The following TSPAN31 variants were observed in gnomAD, a reference collection of about 807,000 sequenced individuals.
TSPAN31 encodes the protein tetraspanin 31, also known as tetraspanin-31.
A neutral mutation model predicts 24.8 loss-of-function variants in TSPAN31; 16 were observed. That is an observed-to-expected ratio of 0.64 (90% confidence interval 0.44 to 0.98). TSPAN31 has a LOEUF of 0.98. Ranked by LOEUF, TSPAN31 falls within the 50% of genes least tolerant of loss-of-function variation. The probability of loss-of-function intolerance (pLI) is 0.00; values close to 1 mark genes in which losing one functional copy is unlikely to be tolerated. For synonymous variants in TSPAN31, 87 were observed against 91.4 expected, an observed-to-expected ratio of 0.95 and a Z score of 0.27; for missense variants, 209 against 251.6, an observed-to-expected ratio of 0.83 and a Z score of 1.15.
intron 3 of TSPAN31, 96 bp downstream of exon 3, chr12:57,746,352 C>G: frequency 7.9e-7 from 1 of 1,267,926 alleles, no homozygotes; most frequent in Non-Finnish European, 1.2e-6. Flanking sequence ...ACCCAAAGAT[C>G]ATCCTTAGGT....
rs1955204432 is a variant in TSPAN31 at position 57,749,379 on chromosome 12, G to A, written c.*2089G>A. 1.2e-6 allele frequency: 2 copies of A among 1,613,082 alleles called. No homozygotes were observed. Among genetic ancestry groups the A allele is most frequent in the Non-Finnish European group, 8.5e-7 (1 of 1,179,036 alleles). ...TCCAGTTCCCATCCCCATGGGCAGAGCCAGTTGCCATCCTGGGTTCAGCAG... is the reference window on the plus strand; with the variant it reads ...TCCAGTTCCCATCCCCATGGGCAGAACCAGTTGCCATCCTGGGTTCAGCAG... On this transcript the variant is annotated 3_prime_UTR_variant, in exon 6 of 6. Transcript: ENST00000257910.
rs545773931 is a variant in TSPAN31 at position 57,748,708 on chromosome 12, C to CTTT, written c.*1431_*1433dup. ...CCTGGGATGAGCTTTCTTCTTTTTT[C>CTTT]TTTTTTTTTTTTTTTGAGACGGAGT... On this transcript the variant is annotated 3_prime_UTR_variant, in exon 6 of 6. Transcript: ENST00000257910. 5.5e-5 allele frequency: 38 copies of CTTT among 693,840 alleles called. No homozygotes were observed. Among genetic ancestry groups the CTTT allele is most frequent in the East Asian group, 1.1e-4 (4 of 35,254 alleles). The allele number at this position is 693,840 out of a possible 1,614,324, so 43.0% of individuals were successfully genotyped here.
chr12:57,748,682 A>T lies in TSPAN31; in HGVS notation c.*1392A>T, dbSNP rs1378736271. On this transcript the variant is annotated 3_prime_UTR_variant, in exon 6 of 6. Transcript: ENST00000257910. ...CAGACTTCTGCCCACCCACAACAAT[A>T]CCTGGGATGAGCTTTCTTCTTTTTT... 4 of 1,036,674 alleles carry T rather than the reference A, an allele frequency of 3.9e-6. No homozygotes were observed. In the African/African-American group the frequency reaches 6.3e-5, roughly 16 times the overall value. The allele number at this position is 1,036,674 out of a possible 1,614,324, so 64.2% of individuals were successfully genotyped here. A position where few individuals can be genotyped will look rare whatever the true frequency, so the allele number is the denominator to read the frequency against.
In TSPAN31 at chr12:57,747,735, A is replaced by G. The variant is rs1240017737; in HGVS notation, c.*445A>G. ...CGAATATAAAAGTAAAAGCCATTTA[A>G]AAATCTATATTCTTTTTTTTTTTTT... On this transcript the variant is annotated 3_prime_UTR_variant, in exon 6 of 6. Coordinates refer to ENST00000257910, the MANE Select transcript of TSPAN31 (RefSeq NM_005981.5). 1 of 161,426 alleles carries G rather than the reference A, an allele frequency of 6.2e-6. No individual in the cohort carries two copies. The allele number at this position is 161,426 out of a possible 1,614,324, so 10.0% of individuals were successfully genotyped here.
In TSPAN31 at chr12:57,749,775, G is replaced by C; in HGVS notation, c.*2485G>C. ...GCACTTTGGGAGTCTGATGTGGGTG[G>C]ATCATGAGGTCAAGAGATCGAGACC... On this transcript the variant is annotated 3_prime_UTR_variant, in exon 6 of 6. Coordinates refer to ENST00000257910, the MANE Select transcript of TSPAN31 (RefSeq NM_005981.5). 1 of 512,034 alleles carries C rather than the reference G, an allele frequency of 2.0e-6. No homozygotes were observed. Among genetic ancestry groups the C allele is most frequent in the South Asian group, 2.1e-5 (1 of 47,502 alleles). The allele number at this position is 512,034 out of a possible 1,614,324, so 31.7% of individuals were successfully genotyped here.
intron 1 of TSPAN31, 167 bp downstream of exon 1, chr12:57,745,384 C>T (rs1339340175): frequency 1.5e-5 from 11 of 726,272 alleles, no homozygotes; most frequent in Non-Finnish European, 2.2e-5. Context: ...GAGGAGACTT[C>T]CGGTTGATTA....
intron 4 of TSPAN31, 106 bp downstream of exon 4, chr12:57,746,826 C>A: frequency 6.5e-7 from 1 of 1,530,344 alleles, no homozygotes; most frequent in Non-Finnish European, 9.0e-7. Flanking sequence ...TCTCTCTCTA[C>A]AAGCCCTCTT....
In TSPAN31 at chr12:57,748,603, A is replaced by G. The variant is rs115576923; in HGVS notation, c.*1313A>G. On this transcript the variant is annotated 3_prime_UTR_variant, in exon 6 of 6. Coordinates refer to ENST00000257910, the MANE Select transcript of TSPAN31 (RefSeq NM_005981.5). ...AGGCAGAGATTCGCTTGTGTGGGTT[A>G]AAAGTCAGCATTTCCTGAGGGGAGA... is the stretch of plus-strand genomic sequence containing the variant. The G allele has an allele frequency of 3.0e-5, 49 of 1,613,588 alleles. No homozygotes were observed. In the African/African-American group the frequency reaches 5.3e-4, roughly 18 times the overall value.
At chr12:57,746,985 CACA>C (rs774949792) in intron 4 of TSPAN31, 30 bp from the exon 5 acceptor site, 1 of 1,587,204 alleles carries the variant, frequency 6.3e-7, no homozygotes, top group Non-Finnish European at 8.6e-7. Flanking sequence ...ACTTTACATT[CACA>C]ACTTTGCATT....
rs544678470 is a variant in TSPAN31 at position 57,748,712 on chromosome 12, T to C, written c.*1422T>C. On this transcript the variant is annotated 3_prime_UTR_variant, in exon 6 of 6. Transcript: ENST00000257910. ...GGATGAGCTTTCTTCTTTTTTCTTTTTTTTTTTTTTTGAGACGGAGTCTCG... is the reference window on the plus strand; with the variant it reads ...GGATGAGCTTTCTTCTTTTTTCTTTCTTTTTTTTTTTGAGACGGAGTCTCG... 9.0e-5 allele frequency: 77 copies of C among 851,532 alleles called. No individual in the cohort carries two copies. In the East Asian group the frequency reaches 1.9e-3, roughly 20 times the overall value. 52.7% of individuals were successfully genotyped at this position (851,532 alleles called of 1,614,324 possible).
chr12:57,747,421 G>T lies in TSPAN31; in HGVS notation c.*131G>T. 1 of 736,054 alleles carries T rather than the reference G, an allele frequency of 1.4e-6. No individual in the cohort carries two copies. 45.6% of individuals were successfully genotyped at this position (736,054 alleles called of 1,614,324 possible). A position where few individuals can be genotyped will look rare whatever the true frequency, so the allele number is the denominator to read the frequency against. On this transcript the variant is annotated 3_prime_UTR_variant, in exon 6 of 6. Transcript: ENST00000257910. Reference sequence around the variant, plus strand: ...GCCCCTTGTCACATCCTCTAAAATTGATGGAATAGCAAGACTTTATGCCTT... The same window carrying T: ...GCCCCTTGTCACATCCTCTAAAATTTATGGAATAGCAAGACTTTATGCCTT...
At position 57,749,023 on chromosome 12, in the gene TSPAN31, A is replaced by G. The variant is rs1195059076; in HGVS notation, c.*1733A>G. On this transcript the variant is annotated 3_prime_UTR_variant, in exon 6 of 6. Transcript: ENST00000257910. The stretch of plus-strand genomic sequence containing the variant: ...GCCCAGCCAGGATGGGTTCTCTTCT[A>G]TATCCTTCTCTGTGGGTGGCTATTT... The G allele has an allele frequency of 3.1e-6, 3 of 962,374 alleles. No homozygotes were observed. The highest frequency in any genetic ancestry group is 1.6e-5 in the African/African-American group (1 of 61,726). The allele number at this position is 962,374 out of a possible 1,614,324, so 59.6% of individuals were successfully genotyped here. A position where few individuals can be genotyped will look rare whatever the true frequency, so the allele number is the denominator to read the frequency against.
Position 57,747,321 on chromosome 12 carries a change from T to G in TSPAN31, c.*31T>G, listed in dbSNP as rs750269350. On this transcript the variant is annotated 3_prime_UTR_variant, in exon 6 of 6. Coordinates refer to ENST00000257910, the MANE Select transcript of TSPAN31 (RefSeq NM_005981.5). ...TGGATCCTTCTGACTTTTCTTCTGC[T>G]CTCTCTAAGCTTTCTCTTCCTCCCT... 1.9e-6 allele frequency: 3 copies of G among 1,600,542 alleles called. No homozygotes were observed. The Admixed American group carries it at 5.0e-5, about 27-fold the overall frequency.
At position 57,745,116 on chromosome 12, in the gene TSPAN31, C is replaced by T. The variant is rs779945348; in HGVS notation, c.-39C>T. On this transcript the variant is annotated 5_prime_UTR_variant, in exon 1 of 6. Coordinates refer to ENST00000257910, the MANE Select transcript of TSPAN31 (RefSeq NM_005981.5). The stretch of plus-strand genomic sequence containing the variant: ...AAGACGGTCCCCAATACCCTCCCCC[C>T]AAGTCCTTGGGACCACTTGGGTCCC... 6.4e-7 allele frequency: 1 copy of T among 1,567,648 alleles called. No individual in the cohort carries two copies. The highest frequency in any genetic ancestry group is 1.4e-5 in the African/African-American group (1 of 73,998).
chr12:57,747,215 G>T lies in TSPAN31; in HGVS notation c.559-1G>T. ...TTATCTCTCTCCCTTTGTTCCTACA[G>T]ATCCTTGGTGTTTGGCTAGCAATGA... On this transcript the variant is annotated splice_acceptor_variant, in intron 5 of 5. Coordinates refer to ENST00000257910, the MANE Select transcript of TSPAN31 (RefSeq NM_005981.5). LOFTEE classifies it high-confidence loss of function. 1 of 1,614,170 alleles carries T rather than the reference G, an allele frequency of 6.2e-7. No homozygotes were observed. The highest frequency in any genetic ancestry group is 8.5e-7 in the Non-Finnish European group (1 of 1,180,012).
chr12:57,746,432 C>G, intron 3 of TSPAN31, 157 bp from the exon 4 acceptor site: 1 of 1,167,240 alleles, frequency 8.6e-7, no homozygotes, highest in Non-Finnish European at 1.3e-6. Context: ...TGAGGATGAT[C>G]TAGAGAACCT....
Position 57,746,633 on chromosome 12 carries a change from T to A in TSPAN31, c.357T>A (p.Thr119=). Reference sequence around the variant, plus strand: ...CTTGGTGGGTCATGAGCAACAAGACTCGGGATGAACTGGAAAGAAGTTTTG... The same window carrying A: ...CTTGGTGGGTCATGAGCAACAAGACACGGGATGAACTGGAAAGAAGTTTTG... ...NASWWVMSNK[T]RDELERSFDC... Residue 119 remains threonine, a synonymous_variant, in exon 4 of 6, where the codon ACT becomes ACA. Coordinates refer to ENST00000257910, the MANE Select transcript of TSPAN31 (RefSeq NM_005981.5). 1.2e-6 allele frequency: 2 copies of A among 1,614,134 alleles called. No individual in the cohort carries two copies. The highest frequency in any genetic ancestry group is 1.7e-6 in the Non-Finnish European group (2 of 1,180,022).
At position 57,746,736 on chromosome 12, in the gene TSPAN31, G is replaced by T. The variant is rs1355180660; in HGVS notation, c.444+16G>T. ...CTGCACTGCAGTGAGTGTGTTGGGG[G>T]TGGTGCAGCAGCCAGGGGAGGTAGG... On this transcript the variant is annotated intron_variant, in intron 4 of 5. Coordinates refer to ENST00000257910, the MANE Select transcript of TSPAN31 (RefSeq NM_005981.5). 3 of 1,613,988 alleles carry T rather than the reference G, an allele frequency of 1.9e-6. No individual in the cohort carries two copies. The highest frequency in any genetic ancestry group is 2.5e-6 in the Non-Finnish European group (3 of 1,179,922).
At chr12:57,746,316 A>T in intron 3 of TSPAN31, 60 bp downstream of exon 3, 1 of 1,485,450 alleles carries the variant, frequency 6.7e-7, no homozygotes, top group South Asian at 1.1e-5. Context: ...TTAACCTCGA[A>T]CTCCTTCCTT....
Sources: gnomAD v4.1 joint callset for allele counts on GRCh38, gnomAD v4.1.1 for gene constraint, MANE v1.5 for transcripts, NCBI Gene and HGNC (gene_info 2026-07-23, HGNC 2026-07-21) for gene names.